PCGF6: variants seen among roughly 807,000 people sequenced by gnomAD.
PCGF6 encodes polycomb group RING finger protein 6.
Under a neutral mutation model 45.5 loss-of-function variants are expected in PCGF6, and 24 were observed. The ratio of observed to expected loss-of-function variants is 0.53; its 90% CI spans 0.38 to 0.74. The LOEUF is 0.74. Among genes scored for constraint, PCGF6 ranks in the 30% least tolerant of loss-of-function variants. The pLI, the probability that PCGF6 is intolerant of heterozygous loss-of-function variation, is 0.00. For missense variants in PCGF6, 356 were observed against 443.2 expected, an observed-to-expected ratio of 0.80 and a Z score of 1.77; for synonymous variants, 152 against 162.1, an observed-to-expected ratio of 0.94 and a Z score of 0.47.
chr10:103,306,833 G>A (rs1247656540), intron 9 of PCGF6, among the ~76,000 whole-genome samples: 6 of 152,224 alleles, frequency 3.9e-5, no homozygotes, highest in African/African-American at 1.4e-4. Flanking sequence ...GCCAGGTGCA[G>A]GGGCTCATGC....
chr10:103,309,766 CA>C (rs1313222178), intron 9 of PCGF6, among the ~76,000 whole-genome samples: 5 of 151,714 alleles, frequency 3.3e-5, no homozygotes, highest in Admixed American at 2.0e-4. Flanking sequence ...CCCATCTCTA[CA>C]AAAAATTAAA....
intron 9 of PCGF6, among the ~76,000 whole-genome samples, chr10:103,308,925 T>C (rs2093147039): frequency 6.6e-6 from 1 of 152,074 alleles, no homozygotes; most frequent in South Asian, 2.1e-4. Flanking sequence ...TGCTGTTCTG[T>C]GTTTCAGACT....
chr10:103,329,280 T>C (rs901555057), intron 7 of PCGF6, among the ~76,000 whole-genome samples: 1 of 151,816 alleles, frequency 6.6e-6, no homozygotes, highest in African/African-American at 2.4e-5. Context: ...CCTCAGGTGA[T>C]CCACCCGCCT....
At chr10:103,344,080 T>A (rs985751325) in intron 6 of PCGF6, among the ~76,000 whole-genome samples, 2 of 152,010 alleles carry the variant, frequency 1.3e-5, no homozygotes, top group Non-Finnish European at 2.9e-5. Context: ...AAATAATATA[T>A]TCATTTTAAT....
At chr10:103,341,154 G>A (rs1014354381) in intron 6 of PCGF6, among the ~76,000 whole-genome samples, 5 of 151,720 alleles carry the variant, frequency 3.3e-5, no homozygotes, top group South Asian at 2.1e-4. Flanking sequence ...GCTTGAACCC[G>A]GGAGGTGGAG....
intron 6 of PCGF6, among the ~76,000 whole-genome samples, chr10:103,339,806 AAAAAACACACACAC>A (rs375159026): frequency 0.11 from 7,632 of 71,180 alleles, 655 homozygotes; most frequent in South Asian, 0.3. Flanking sequence ...TGTCTCAAAA[AAAAAACACACACAC>A]ACACACACAC....
At chr10:103,315,990 GTGTGTATA>G (rs761431386) in intron 8 of PCGF6, among the ~76,000 whole-genome samples, 148 of 112,494 alleles carry the variant, frequency 1.3e-3, no homozygotes, top group Middle Eastern at 4.3e-3. Context: ...GTGTGTGTGT[GTGTGTATA>G]TATATATATA....
intron 6 of PCGF6, among the ~76,000 whole-genome samples, chr10:103,340,826 C>T (rs1302949484): frequency 2.6e-5 from 4 of 152,194 alleles, no homozygotes; most frequent in African/African-American, 9.6e-5. Flanking sequence ...TAGTGTCCAG[C>T]TCCTGGACTC....
intron 9 of PCGF6, among the ~76,000 whole-genome samples, chr10:103,307,761 T>C (rs987592347): frequency 1.3e-5 from 2 of 152,104 alleles, no homozygotes; most frequent in Admixed American, 6.6e-5. Flanking sequence ...GTGTGAGACA[T>C]CATGCCTAAC....
At chr10:103,337,782 C>CT (rs1564732456) in intron 6 of PCGF6, among the ~76,000 whole-genome samples, 10 of 115,216 alleles carry the variant, frequency 8.7e-5, no homozygotes, top group Admixed American at 3.5e-4. Context: ...ACAAAATTAG[C>CT]GGCCGGGCGC....
At position 103,303,985 on chromosome 10, in the gene PCGF6, G is replaced by A. The variant is rs1383879351; in HGVS notation, c.997-24C>T. ...TCCTGAAAAGGGGAGAAAAAAAGAC[G>A]ATTTTGCAGTTCTTTCAAACCAGTA... On this transcript the variant is annotated intron_variant, in intron 9 of 9. Coordinates refer to ENST00000369847, the MANE Select transcript of PCGF6 (RefSeq NM_001011663.2). The A allele has an allele frequency of 7.5e-6, 12 of 1,600,888 alleles. No individual in the cohort carries two copies. In the East Asian group the frequency reaches 1.3e-4, roughly 18 times the overall value.
intron 6 of PCGF6, among the ~76,000 whole-genome samples, chr10:103,340,944 T>G (rs1320974678): frequency 6.6e-6 from 1 of 152,106 alleles, no homozygotes; most frequent in African/African-American, 2.4e-5. Context: ...AAAAATATAA[T>G]TCCTTACAGG....
intron 8 of PCGF6, among the ~76,000 whole-genome samples, chr10:103,319,833 G>A (rs1233504976): frequency 6.6e-6 from 1 of 152,120 alleles, no homozygotes; most frequent in African/African-American, 2.4e-5. Flanking sequence ...TTGAGATGGA[G>A]TCTTGCTCTG....
intron 8 of PCGF6, among the ~76,000 whole-genome samples, chr10:103,317,171 C>A (rs1008317475): frequency 7.0e-4 from 107 of 152,116 alleles, no homozygotes; most frequent in Non-Finnish European, 2.5e-4. Context: ...CCACCACACT[C>A]GGCTAATTTT....
chr10:103,304,055 C>A, intron 9 of PCGF6, 94 bp from the exon 10 acceptor site: 1 of 940,410 alleles, frequency 1.1e-6, no homozygotes, highest in Non-Finnish European at 1.7e-6. Context: ...TTTTAATAAT[C>A]TAACACTAAG....
chr10:103,340,866 G>A (rs1279787114), intron 6 of PCGF6, among the ~76,000 whole-genome samples: 3 of 152,130 alleles, frequency 2.0e-5, no homozygotes, highest in African/African-American at 7.2e-5. Flanking sequence ...GCTTTCCAAA[G>A]TGCTAGGATT....
At chr10:103,342,255 C>CAA (rs1317305464) in intron 6 of PCGF6, among the ~76,000 whole-genome samples, 4 of 147,370 alleles carry the variant, frequency 2.7e-5, no homozygotes, top group Non-Finnish European at 6.0e-5. Flanking sequence ...TTCCTTCAGA[C>CAA]AGAGTTTCGC....
intron 1 of PCGF6, 87 bp from the exon 2 acceptor site, chr10:103,349,086 T>C: frequency 3.5e-6 from 4 of 1,153,512 alleles, no homozygotes; most frequent in Non-Finnish European, 5.0e-6. Flanking sequence ...TCTCACTCTG[T>C]AGCCCAAGCT....
At chr10:103,347,001 G>C (rs974864881) in intron 5 of PCGF6, among the ~76,000 whole-genome samples, 7 of 152,040 alleles carry the variant, frequency 4.6e-5, no homozygotes, top group African/African-American at 9.7e-5. Flanking sequence ...TATGTAACTG[G>C]CTTGGCTTAA....
Sources: gnomAD v4.1 joint callset for allele counts (sites outside exome capture counted in the v4.1 genomes callset) on GRCh38, gnomAD v4.1.1 for gene constraint, MANE v1.5 for transcripts, NCBI Gene and HGNC (gene_info 2026-07-23, HGNC 2026-07-21) for gene names.